The following FARP1 variants were observed in gnomAD, a reference collection of about 807,000 sequenced individuals.
FARP1 encodes FERM, ARHGEF and pleckstrin domain-containing protein 1.
Under a neutral mutation model 128.8 loss-of-function variants are expected in FARP1, and 52 were observed. The observed-to-expected ratio is 0.40, with a 90% CI of 0.32 to 0.51. The LOEUF (loss-of-function observed/expected upper bound fraction) is 0.51, where lower values mean the gene tolerates loss of function less well. Ranked by LOEUF, FARP1 falls within the 20% of genes least tolerant of loss-of-function variation. The probability of loss-of-function intolerance (pLI) is 0.45; values close to 1 mark genes in which losing one functional copy is unlikely to be tolerated. For missense variants in FARP1, 1,333 were observed against 1,367.9 expected (o/e 0.97, Z 0.40); for synonymous variants, 580 against 551.8 (o/e 1.05, Z -0.72).
chr13:98,442,467 C>T (rs1403943780), intron 24 of FARP1, among the ~76,000 whole-genome samples: 6 of 152,232 alleles, frequency 3.9e-5, no homozygotes, highest in African/African-American at 1.4e-4. Flanking sequence ...GGCCCTGGCT[C>T]CCCCACGGGC....
At chr13:98,162,900 G>T (rs1223413604) in intron 1 of FARP1, among the ~76,000 whole-genome samples, 5 of 152,162 alleles carry the variant, frequency 3.3e-5, no homozygotes, top group Non-Finnish European at 5.9e-5. Flanking sequence ...AACCGTTGTG[G>T]AAAGCAGTGT....
At chr13:98,170,757 G>T (rs1287432071) in intron 1 of FARP1, among the ~76,000 whole-genome samples, 2 of 152,138 alleles carry the variant, frequency 1.3e-5, no homozygotes, top group South Asian at 4.1e-4. Flanking sequence ...CTCCCAAAGT[G>T]CTGGAATTAC....
At chr13:98,283,821 G>A (rs1885050628) in intron 2 of FARP1, among the ~76,000 whole-genome samples, 1 of 152,144 alleles carries the variant, frequency 6.6e-6, no homozygotes, top group African/African-American at 2.4e-5. Flanking sequence ...TATAATTAAG[G>A]ATGTACAAGT....
intron 2 of FARP1, among the ~76,000 whole-genome samples, chr13:98,228,030 G>C (rs762114828): frequency 6.6e-6 from 1 of 152,136 alleles, no homozygotes; most frequent in Non-Finnish European, 1.5e-5. Flanking sequence ...ACAACAATGC[G>C]AATATACCTA....
chr13:98,245,217 G>C lies in FARP1; in HGVS notation c.171+31804G>C, dbSNP rs548466066. 9 of 985,466 alleles carry C rather than the reference G, an allele frequency of 9.1e-6. No homozygotes were observed. In the South Asian group the frequency reaches 3.8e-4, roughly 41 times the overall value. The allele number at this position is 985,466 out of a possible 1,614,324, so 61.0% of individuals were successfully genotyped here. The stretch of plus-strand genomic sequence containing the variant: ...ATTACTGTGTTCTGAGAAATCTACA[G>C]TAATTTTTGTGTAACTTTTTTATTC... On this transcript the variant is annotated intron_variant, in intron 2 of 26. Coordinates refer to ENST00000319562, the MANE Select transcript of FARP1 (RefSeq NM_005766.4).
chr13:98,324,190 TTG>T (rs1478266555), intron 2 of FARP1, among the ~76,000 whole-genome samples: 1 of 152,228 alleles, frequency 6.6e-6, no homozygotes, highest in Non-Finnish European at 1.5e-5. Context: ...TTGATTTTCT[TTG>T]TGTTTTCATT....
chr13:98,388,189 A>C (rs1180830704), intron 8 of FARP1, among the ~76,000 whole-genome samples, 194 bp from the exon 9 acceptor site: 3 of 152,096 alleles, frequency 2.0e-5, no homozygotes, highest in African/African-American at 7.2e-5. Flanking sequence ...AAAATCCTAT[A>C]ATTAGTGAGA....
chr13:98,144,710 C>G (rs1875386733), intron 1 of FARP1, among the ~76,000 whole-genome samples: 1 of 152,224 alleles, frequency 6.6e-6, no homozygotes, highest in South Asian at 2.1e-4. Context: ...TTTTCTTATT[C>G]AGTCTGAACA....
rs79329520 is a variant in FARP1, at chr13:98,268,038, G to T, written c.171+54625G>T. On this transcript the variant is annotated intron_variant, in intron 2 of 26. Coordinates refer to ENST00000319562, the MANE Select transcript of FARP1 (RefSeq NM_005766.4). The stretch of plus-strand genomic sequence containing the variant: ...GGGCAGCATTACATACAGGCACATT[G>T]TTCGACCTCCAGAACTTTTTCACGC... Among the ~76,000 whole-genome samples the T allele has an allele frequency of 1.4e-3, 210 of 152,310 alleles. 8 individuals are homozygous for T. In the East Asian group the frequency reaches 0.037, roughly 27 times the overall value.
At chr13:98,403,851 G>A (rs1200082483) in intron 13 of FARP1, 1 of 152,182 alleles carries the variant, frequency 6.6e-6, no homozygotes, top group Non-Finnish European at 1.5e-5. Context: ...AAACTGAAGG[G>A]GCTTTTACTT....
intron 2 of FARP1, among the ~76,000 whole-genome samples, chr13:98,271,458 T>C (rs1249263409): frequency 6.6e-6 from 1 of 152,098 alleles, no homozygotes; most frequent in Non-Finnish European, 1.5e-5. Flanking sequence ...GTTTGTTACA[T>C]AGGTATACAT....
intron 2 of FARP1, among the ~76,000 whole-genome samples, chr13:98,325,186 G>T (rs867244489): frequency 6.6e-6 from 1 of 152,188 alleles, no homozygotes; most frequent in Non-Finnish European, 1.5e-5. Context: ...TGGAATAGAA[G>T]AAATTATTTT....
At chr13:98,155,917 C>G (rs924113822) in intron 1 of FARP1, among the ~76,000 whole-genome samples, 1 of 152,086 alleles carries the variant, frequency 6.6e-6, no homozygotes, top group African/African-American at 2.4e-5. Flanking sequence ...GGCAGTTACA[C>G]AAAAGTGTGG....
At chr13:98,396,464 AGTG>A (rs1201716330) in intron 13 of FARP1, 8 of 381,922 alleles carry the variant, frequency 2.1e-5, no homozygotes, top group Non-Finnish European at 2.8e-5. Context: ...GAGGAGGATG[AGTG>A]AGGAACAGGA....
At chr13:98,242,255 C>T (rs528311811) in intron 2 of FARP1, among the ~76,000 whole-genome samples, 96 of 152,144 alleles carry the variant, frequency 6.3e-4, no homozygotes, top group Non-Finnish European at 7.1e-4. Flanking sequence ...CCGTAGGGAC[C>T]GTTAGTGTTT....
In FARP1 at chr13:98,176,583, G is replaced by C. The variant is rs1330034726; in HGVS notation, c.-24+33091G>C. 2 of 1,614,086 alleles carry C rather than the reference G, an allele frequency of 1.2e-6. No individual in the cohort carries two copies. The highest frequency in any genetic ancestry group is 1.3e-5 in the African/African-American group (1 of 74,922). ...CAATCTCCCACCCGAGCTTGTAATC[G>C]GAACGGTCGTGGAGGAATTTGCAGC... On this transcript the variant is annotated intron_variant, in intron 1 of 26. Coordinates refer to ENST00000319562, the MANE Select transcript of FARP1 (RefSeq NM_005766.4). This position sits in a 1 kb window ranked among gnomAD's most constrained non-coding sequence, Gnocchi z 6.2.
At chr13:98,409,603 A>G in intron 14 of FARP1, 78 bp downstream of exon 14, 1 of 1,327,294 alleles carries the variant, frequency 7.5e-7, no homozygotes, top group South Asian at 1.6e-5. Context: ...ATTGTACTAA[A>G]ATATACATAA....
At chr13:98,378,893 C>CTG (rs1566934202) in intron 6 of FARP1, among the ~76,000 whole-genome samples, 1 of 98,912 alleles carries the variant, frequency 1.0e-5, no homozygotes, top group African/African-American at 4.3e-5. Context: ...TGTGCCAGCA[C>CTG]TATATATATA....
At position 98,449,998 on chromosome 13, in the gene FARP1, G is replaced by T. The variant is rs1403541653; in HGVS notation, c.*1681G>T. Reference sequence around the variant, plus strand: ...AAGTCACCACTCACTCATTCCTGGAGACTTGGGGACAAGGCAGTCTCCTCA... The same window carrying T: ...AAGTCACCACTCACTCATTCCTGGATACTTGGGGACAAGGCAGTCTCCTCA... On this transcript the variant is annotated 3_prime_UTR_variant, in exon 27 of 27. Coordinates refer to ENST00000319562, the MANE Select transcript of FARP1 (RefSeq NM_005766.4). 1.3e-5 allele frequency: 2 copies of T among 151,720 alleles called. No homozygotes were observed. The highest frequency in any genetic ancestry group is 4.8e-5 in the African/African-American group (2 of 41,262). 9.4% of individuals were successfully genotyped at this position (151,720 alleles called of 1,614,324 possible).
Sources: gnomAD v4.1 joint callset for allele counts (sites outside exome capture counted in the v4.1 genomes callset) on GRCh38, gnomAD v4.1.1 for gene constraint, Gnocchi (gnomAD v3.1) non-coding constraint, MANE v1.5 for transcripts, NCBI Gene and HGNC (gene_info 2026-07-23, HGNC 2026-07-21) for gene names.